Variants in TNS1 observed in about 807,000 individuals in gnomAD.
The protein encoded by TNS1 is tensin-1.
A neutral mutation model predicts 168.6 loss-of-function variants in TNS1; 62 were observed. That is an observed-to-expected ratio of 0.37 (90% CI 0.30 to 0.45). TNS1 has a LOEUF of 0.45. Ranked by LOEUF, TNS1 falls within the 20% of genes least tolerant of loss-of-function variation. The probability of loss-of-function intolerance (pLI) is 1.00; values close to 1 mark genes in which losing one functional copy is unlikely to be tolerated. For synonymous variants in TNS1, 934 were observed against 933.2 expected (o/e 1.00, Z -0.02); for missense variants, 2,240 against 2,339.4 (o/e 0.96, Z 0.88).
At chr2:217,825,685 CT>C (rs1476757266) in intron 22 of TNS1, among the ~76,000 whole-genome samples, 1 of 152,238 alleles carries the variant, frequency 6.6e-6, no homozygotes, top group African/African-American at 2.4e-5. Flanking sequence ...CGGGTGCTTA[CT>C]TGCCATTAGG....
chr2:217,854,272 G>A (rs749236503), intron 18 of TNS1, among the ~76,000 whole-genome samples: 19 of 152,154 alleles, frequency 1.2e-4, no homozygotes, highest in Non-Finnish European at 2.1e-4. Context: ...TAGGACAGAC[G>A]GCCCAACCAT....
rs750945272 is a variant in TNS1 at position 217,848,566 on chromosome 2, T to G, written c.1951A>C (p.Thr651Pro). 7.4e-6 allele frequency: 12 copies of G among 1,614,036 alleles called. No individual in the cohort carries two copies. In the Middle Eastern group the frequency reaches 4.9e-4, roughly 66 times the overall value. ...MGTLSSLDGV[T>P]NTSEGGYPEA... Reference sequence around the variant, plus strand: ...GGGTAGCCCCCCTCACTGGTGTTGGTGACCCCGTCCAGAGAAGAGAGTGTG... The same window carrying G: ...GGGTAGCCCCCCTCACTGGTGTTGGGGACCCCGTCCAGAGAAGAGAGTGTG... The change falls in exon 19 of 33, where the codon ACC (threonine) becomes CCC (proline). Residue 651 changes from threonine to proline, a missense_variant. This residue lies in a region of TNS1 where 2,131 missense variants were observed against 2,171.2 expected (regional missense o/e 0.98). Coordinates refer to ENST00000682258, the MANE Select transcript of TNS1 (RefSeq NM_001387777.1).
chr2:217,841,898 C>T (rs1423664370), intron 19 of TNS1, among the ~76,000 whole-genome samples: 1 of 152,142 alleles, frequency 6.6e-6, no homozygotes, highest in African/African-American at 2.4e-5. Context: ...CCAGAAAAGT[C>T]CTTAAGATGA....
intron 18 of TNS1, among the ~76,000 whole-genome samples, chr2:217,874,265 C>T (rs895497400): frequency 6.6e-6 from 1 of 152,176 alleles, no homozygotes; most frequent in Non-Finnish European, 1.5e-5. Context: ...TCACATCCTA[C>T]AAATTCTGCT....
upstream of TNS1, among the ~76,000 whole-genome samples, chr2:218,004,148 A>C (rs1484633860): frequency 6.6e-6 from 1 of 152,168 alleles, no homozygotes; most frequent in Non-Finnish European, 1.5e-5. Context: ...CAGGAGAAGG[A>C]GGGAGGGCTC....
intron 18 of TNS1, chr2:217,858,434 C>T: frequency 1.2e-6 from 1 of 842,534 alleles, no homozygotes; most frequent in South Asian, 5.4e-5. Context: ...AGCCCAGATC[C>T]AGCAGAAAGC....
intron 18 of TNS1, among the ~76,000 whole-genome samples, chr2:217,864,192 G>T (rs1213082764): frequency 1.3e-5 from 2 of 152,210 alleles, no homozygotes; most frequent in Non-Finnish European, 2.9e-5. Context: ...CCGCGCTTCT[G>T]CTTCTCCCCA....
chr2:217,961,254 C>T (rs375827960), intron 3 of TNS1, among the ~76,000 whole-genome samples: 3 of 130,224 alleles, frequency 2.3e-5, no homozygotes, highest in African/African-American at 8.8e-5. Flanking sequence ...CACACACACA[C>T]ACACACAGAG....
At chr2:217,812,496 G>A (rs1026159401) in intron 27 of TNS1, 51 bp from the exon 28 acceptor site, 1 of 1,504,254 alleles carries the variant, frequency 6.6e-7, no homozygotes, top group Non-Finnish European at 9.2e-7. Context: ...GAAGCCAGAA[G>A]GGAAACCTCC....
At chr2:217,993,082 C>T (rs1305919364) in intron 1 of TNS1, among the ~76,000 whole-genome samples, 4 of 152,322 alleles carry the variant, frequency 2.6e-5, no homozygotes, top group African/African-American at 9.6e-5. Context: ...CAGTGACATG[C>T]TGTGCGGGAT....
At chr2:217,842,296 A>C (rs781240717) in intron 19 of TNS1, 5 of 552,504 alleles carry the variant, frequency 9.0e-6, no homozygotes, top group Non-Finnish European at 1.6e-5. Flanking sequence ...CAACCACTGC[A>C]GATGTTTCAT....
At chr2:217,867,379 C>T (rs747445846) in intron 18 of TNS1, among the ~76,000 whole-genome samples, 7 of 152,192 alleles carry the variant, frequency 4.6e-5, no homozygotes, top group South Asian at 2.1e-4. Context: ...ATATGTGCAA[C>T]GCCATTCACT....
At chr2:217,828,592 AC>A (rs759149623) in intron 22 of TNS1, among the ~76,000 whole-genome samples, 12 of 152,104 alleles carry the variant, frequency 7.9e-5, no homozygotes, top group East Asian at 3.9e-4. Flanking sequence ...ACTTTGTTTC[AC>A]CTGCTGGTTT....
intron 32 of TNS1, 103 bp from the exon 33 acceptor site, chr2:217,804,706 T>C: frequency 7.0e-7 from 1 of 1,431,154 alleles, no homozygotes; most frequent in Non-Finnish European, 9.5e-7. Context: ...CAACCTCTCT[T>C]CCCCATCCCT....
In TNS1 at chr2:218,001,289, G is replaced by A. The variant is rs551604080; in HGVS notation, c.33+1551C>T. Among the ~76,000 whole-genome samples the A allele has an allele frequency of 2.0e-5, 3 of 152,238 alleles. No homozygotes were observed. The East Asian group carries it at 5.8e-4, about 29-fold the overall frequency. On this transcript the variant is annotated intron_variant, in intron 1 of 32. Coordinates refer to ENST00000682258, the MANE Select transcript of TNS1 (RefSeq NM_001387777.1). ...TAGGGCACTCTACCTGCCAGGCACT[G>A]CCCTGGGGAATTGGATACAAAATTT...
chr2:217,835,554 A>T (rs975678748), intron 20 of TNS1, among the ~76,000 whole-genome samples: 4 of 152,198 alleles, frequency 2.6e-5, no homozygotes, highest in African/African-American at 9.7e-5. Context: ...CAAGCTCCCC[A>T]TTGGTTGTTA....
At chr2:217,842,179 C>T (rs1946059949) in intron 19 of TNS1, 1 of 700,516 alleles carries the variant, frequency 1.4e-6, no homozygotes. Context: ...GTCCTCAACC[C>T]CTCGGTGACA....
At chr2:217,967,151 C>G (rs910111492) in intron 3 of TNS1, among the ~76,000 whole-genome samples, 1 of 151,960 alleles carries the variant, frequency 6.6e-6, no homozygotes, top group Non-Finnish European at 1.5e-5. Context: ...AACCCCATCT[C>G]TACTAAAAAT....
At chr2:217,879,579 G>A (rs1429122459) in intron 18 of TNS1, 2 of 303,808 alleles carry the variant, frequency 6.6e-6, no homozygotes, top group Non-Finnish European at 1.3e-5. Context: ...TTTCAATGTT[G>A]CACGTAAAAA....
Sources: gnomAD v4.1 joint callset for allele counts (sites outside exome capture counted in the v4.1 genomes callset) on GRCh38, gnomAD v4.1.1 for gene constraint, gnomAD v4.1.1 regional missense constraint, MANE v1.5 for transcripts, NCBI Gene and HGNC (gene_info 2026-07-23, HGNC 2026-07-21) for gene names.